NEXN: variants seen among roughly 807,000 people sequenced by gnomAD.
NEXN encodes the protein nexilin F-actin binding protein.
In NEXN, 65 loss-of-function variants were observed where a neutral mutation model predicts 92.6. The ratio of observed to expected loss-of-function variants is 0.70; its 90% CI spans 0.57 to 0.86. NEXN has a LOEUF of 0.86. Ranked by LOEUF, NEXN falls within the 40% of genes least tolerant of loss-of-function variation. NEXN has a pLI of 0.00. For synonymous variants in NEXN, 254 were observed against 242.5 expected, an observed-to-expected ratio of 1.05 and a Z score of -0.44; for missense variants, 778 against 771.1, an observed-to-expected ratio of 1.01 and a Z score of -0.11.
rs753544397 is a variant in NEXN at position 77,916,126 on chromosome 1, A to C, written c.20A>C (p.Lys7Thr). The change falls in exon 2 of 13, where the codon AAG becomes ACG. Residue 7 changes from lysine (K) to threonine (T), a missense_variant. Lys to Thr is a moderately conservative substitution (Grantham distance 78, BLOSUM62 -1). Around this residue, in one of 3 missense-constraint regions of NEXN, gnomAD observed 236 missense variants for 265.6 expected, o/e 0.89. Transcript: ENST00000334785. MNDISQ[K>T]AEILLSSSKP... ...GCAAACATGAATGATATTTCCCAAAAGGCTGAGGTAAGTCTCAAAAGTAAA... is the reference window on the plus strand; with the variant it reads ...GCAAACATGAATGATATTTCCCAAACGGCTGAGGTAAGTCTCAAAAGTAAA... 3.7e-6 allele frequency: 6 copies of C among 1,605,686 alleles called. No homozygotes were observed. The highest frequency in any genetic ancestry group is 5.1e-6 in the Non-Finnish European group (6 of 1,174,926).
chr1:77,936,540 A>G (rs1650786427), intron 11 of NEXN, among the ~76,000 whole-genome samples: 1 of 152,242 alleles, frequency 6.6e-6, no homozygotes, highest in Non-Finnish European at 1.5e-5. Flanking sequence ...GATGAAACCC[A>G]TAAAGCCTCT....
At chr1:77,930,713 C>A (rs746468679) in intron 9 of NEXN, among the ~76,000 whole-genome samples, 9 of 152,234 alleles carry the variant, frequency 5.9e-5, no homozygotes, top group Non-Finnish European at 1.3e-4. Flanking sequence ...ACTCAGCCTT[C>A]ACACTGTCTG....
chr1:77,903,237 AGAG>A (rs969039006), intron 1 of NEXN, among the ~76,000 whole-genome samples: 15 of 152,070 alleles, frequency 9.9e-5, no homozygotes, highest in African/African-American at 3.1e-4. Flanking sequence ...AAAAAAAAAA[AGAG>A]AGAAATCAGA....
Position 77,926,849 on chromosome 1 carries a change from TAGA to T in NEXN, c.828_830del (p.Glu277del), listed in dbSNP as rs750308076. On this transcript the variant is annotated inframe_deletion, in exon 8 of 13. Coordinates refer to ENST00000334785, the MANE Select transcript of NEXN (RefSeq NM_144573.4). The stretch of plus-strand genomic sequence containing the variant: ...GCTGAAGAGGAAGCAAGAAAACGTT[TAGA>T]AGAAGAGAAGCGTGCTTTTGAAGAA... 1.2e-5 allele frequency: 19 copies of T among 1,613,854 alleles called. No homozygotes were observed. The highest frequency in any genetic ancestry group is 8.9e-5 in the East Asian group (4 of 44,848).
Position 77,925,227 on chromosome 1 carries a change from G to C in NEXN, c.487G>C (p.Glu163Gln). 2 of 1,593,498 alleles carry C rather than the reference G, an allele frequency of 1.3e-6. No individual in the cohort carries two copies. Among genetic ancestry groups the C allele is most frequent in the Non-Finnish European group, 1.7e-6 (2 of 1,163,040 alleles). Reference protein sequence around the residue: ...INNTGTESASEEGDDSLLITV... With the variant: ...INNTGTESASQEGDDSLLITV... ...CAATACGGGAACTGAATCAGCATCA[G>C]AGGTAAACAGACATTTCCTTTAATG... The change falls in exon 6 of 13, where the codon GAG (glutamate) becomes CAG (glutamine). Residue 163 changes from glutamate (E) to glutamine (Q), a missense_variant and splice_region_variant. By Grantham distance (29) the Glu-to-Gln change is conservative. This residue lies in a region of NEXN where 236 missense variants were observed against 265.6 expected (regional missense o/e 0.89). Transcript: ENST00000334785.
chr1:77,934,909 C>CCATA lies in NEXN; in HGVS notation c.1252-914_1252-913insCATA, dbSNP rs1379028178. Among the ~76,000 whole-genome samples, 6 of 152,292 alleles carry CCATA rather than the reference C, an allele frequency of 3.9e-5. No homozygotes were observed. The East Asian group carries it at 9.6e-4, about 24-fold the overall frequency. ...ACTTGAGTATTAAGAGTGATGTTTACTTTGTAAGACTACCATAAAATCAAA... is the reference window on the plus strand; with the variant it reads ...ACTTGAGTATTAAGAGTGATGTTTACCATATTTGTAAGACTACCATAAAATCAAA... On this transcript the variant is annotated intron_variant, in intron 10 of 12. Coordinates refer to ENST00000334785, the MANE Select transcript of NEXN (RefSeq NM_144573.4).
At chr1:77,898,954 T>G (rs1647459846) in intron 1 of NEXN, among the ~76,000 whole-genome samples, 1 of 152,086 alleles carries the variant, frequency 6.6e-6, no homozygotes, top group Non-Finnish European at 1.5e-5. Flanking sequence ...AAAACCACAA[T>G]GAGATACCAT....
intron 9 of NEXN, among the ~76,000 whole-genome samples, chr1:77,931,412 CAAAAAAAAAAA>C (rs138490881): frequency 1.7e-5 from 1 of 57,566 alleles, no homozygotes; most frequent in African/African-American, 7.4e-5. Context: ...GACTCCGTCT[CAAAAAAAAAAA>C]AAAAAAAAAA....
chr1:77,896,629 A>G (rs1486878679), intron 1 of NEXN, among the ~76,000 whole-genome samples: 1 of 152,068 alleles, frequency 6.6e-6, no homozygotes, highest in Admixed American at 6.6e-5. Context: ...GTGTGGTGGC[A>G]GACAGTTGTA....
chr1:77,890,194 C>G (rs1448450920), intron 1 of NEXN, among the ~76,000 whole-genome samples: 1 of 152,028 alleles, frequency 6.6e-6, no homozygotes, highest in Non-Finnish European at 1.5e-5. Context: ...CGTATTTTTG[C>G]AGATATTTTA....
chr1:77,893,252 T>C (rs1479553293), intron 1 of NEXN, among the ~76,000 whole-genome samples: 2 of 152,098 alleles, frequency 1.3e-5, no homozygotes, highest in Non-Finnish European at 2.9e-5. Flanking sequence ...AAGAGGAGTT[T>C]ACTGTTTTTC....
intron 6 of NEXN, 149 bp downstream of exon 6, chr1:77,925,378 C>A: frequency 1.5e-6 from 1 of 674,318 alleles, no homozygotes; most frequent in Non-Finnish European, 2.6e-6. Flanking sequence ...AAAGCAAGAG[C>A]ATACTTTTGC....
chr1:77,937,534 C>A (rs1167144639), intron 11 of NEXN, among the ~76,000 whole-genome samples: 2 of 151,912 alleles, frequency 1.3e-5, no homozygotes, highest in South Asian at 4.1e-4. Context: ...TACAAAAATA[C>A]AAAAATTAGC....
At position 77,915,425 on chromosome 1, in the gene NEXN, T is replaced by G. The variant is rs544521915; in HGVS notation, c.-52-630T>G. 1.4e-3 allele frequency among the ~76,000 whole-genome samples: 211 copies of G among 152,102 alleles called. 1 individual carries two copies. Among genetic ancestry groups the G allele is most frequent in the African/African-American group, 4.7e-3 (197 of 41,508 alleles). On this transcript the variant is annotated intron_variant, in intron 1 of 12. Transcript: ENST00000334785. Reference sequence around the variant, plus strand: ...CAGGCGGATCACGAGGTCAGGAGATTGAGACCATCCTGGCTAACACGGTGA... The same window carrying G: ...CAGGCGGATCACGAGGTCAGGAGATGGAGACCATCCTGGCTAACACGGTGA...
At chr1:77,895,323 G>T (rs981525476) in intron 1 of NEXN, among the ~76,000 whole-genome samples, 1 of 151,966 alleles carries the variant, frequency 6.6e-6, no homozygotes, top group Non-Finnish European at 1.5e-5. Context: ...GGGATTACAG[G>T]CATGAGCCAC....
intron 1 of NEXN, among the ~76,000 whole-genome samples, chr1:77,904,493 CA>C (rs1189912412): frequency 1.3e-5 from 2 of 152,120 alleles, no homozygotes; most frequent in African/African-American, 4.8e-5. Flanking sequence ...ATCAAAGGAA[CA>C]GAGGATCTTT....
chr1:77,938,184 A>T (rs774264327), intron 11 of NEXN, among the ~76,000 whole-genome samples: 5 of 152,226 alleles, frequency 3.3e-5, no homozygotes, highest in African/African-American at 4.8e-5. Context: ...TTTGCATCTA[A>T]GCTTGTGTGA....
intron 11 of NEXN, among the ~76,000 whole-genome samples, chr1:77,939,345 G>A (rs768994082): frequency 1.3e-5 from 2 of 152,300 alleles, no homozygotes; most frequent in Non-Finnish European, 2.9e-5. Flanking sequence ...GAGGCAAGCA[G>A]ATACCAACTT....
chr1:77,891,747 TAAAAAAA>T (rs373772489), intron 1 of NEXN, among the ~76,000 whole-genome samples: 7 of 129,034 alleles, frequency 5.4e-5, no homozygotes, highest in Non-Finnish European at 1.1e-4. Flanking sequence ...GGAAAAAAAG[TAAAAAAA>T]AAAAAAAAAA....
Sources: gnomAD v4.1 joint callset for allele counts (sites outside exome capture counted in the v4.1 genomes callset) on GRCh38, gnomAD v4.1.1 for gene constraint, gnomAD v4.1.1 regional missense constraint, MANE v1.5 for transcripts, NCBI Gene and HGNC (gene_info 2026-07-23, HGNC 2026-07-21) for gene names.